Variants in DUSP16 observed in about 807,000 individuals in gnomAD.
DUSP16 encodes the protein dual specificity protein phosphatase 16.
A neutral mutation model predicts 58.3 loss-of-function variants in DUSP16; 21 were observed. The observed-to-expected ratio is 0.36, with a 90% CI of 0.26 to 0.52. DUSP16 has a LOEUF of 0.52. Among genes scored for constraint, DUSP16 ranks in the 20% least tolerant of loss-of-function variants. DUSP16 has a pLI of 0.94. For synonymous variants in DUSP16, 320 were observed against 323.8 expected, an observed-to-expected ratio of 0.99 and a Z score of 0.12; for missense variants, 726 against 819.0, an observed-to-expected ratio of 0.89 and a Z score of 1.39.
intron 1 of DUSP16, among the ~76,000 whole-genome samples, chr12:12,533,673 G>A (rs1332947845): frequency 6.6e-6 from 1 of 152,140 alleles, no homozygotes; most frequent in African/African-American, 2.4e-5. Context: ...TGCTCCATGA[G>A]GGCAAAACTA....
intron 2 of DUSP16, 106 bp from the exon 3 acceptor site, chr12:12,520,106 T>A: frequency 9.2e-7 from 1 of 1,092,350 alleles, no homozygotes; most frequent in Non-Finnish European, 1.3e-6. Context: ...AATTGCTTCC[T>A]GTTTTCAATT....
chr12:12,487,114 G>C lies in DUSP16; in HGVS notation c.605C>G (p.Pro202Arg), dbSNP rs1467429604. 2 of 1,614,008 alleles carry C rather than the reference G, an allele frequency of 1.2e-6. No individual in the cohort carries two copies. Among genetic ancestry groups the C allele is most frequent in the Non-Finnish European group, 1.7e-6 (2 of 1,180,024 alleles). ...SNTCPKPDFI[P>R]ESHFLRVPVN... ...AGGCACACGCAGGAAATGAGACTCG[G>C]GGATAAAGTCAGGCTTTGGACAGGT... The change falls in exon 5 of 7, where the codon CCC (proline) becomes CGC (arginine). Residue 202 changes from proline to arginine, a missense_variant. Transcript: ENST00000298573.
Position 12,477,902 on chromosome 12 carries a change from T to C in DUSP16, c.929A>G (p.Lys310Arg), listed in dbSNP as rs750121770. 6.2e-7 allele frequency: 1 copy of C among 1,614,194 alleles called. No individual in the cohort carries two copies. The highest frequency in any genetic ancestry group is 1.3e-5 in the African/African-American group (1 of 75,042). The change falls in exon 7 of 7, where the codon AAA (lysine) becomes AGA (arginine). Residue 310 changes from lysine to arginine, a missense_variant. Physicochemically the swap from Lys to Arg is conservative, Grantham distance 26. Transcript: ENST00000298573. This position sits in a 1 kb window ranked among gnomAD's most constrained non-coding sequence, Gnocchi z 4.1. ...CTTCTCCAGGTGCAGCAGCTTGAGT[T>C]TGCTCTTTGGCCCTGATGCTCCAGT... ...NQTGASGPKS[K>R]LKLLHLEKPN...
intron 1 of DUSP16, among the ~76,000 whole-genome samples, chr12:12,545,702 A>G (rs1361273603): frequency 1.3e-5 from 2 of 152,186 alleles, no homozygotes; most frequent in African/African-American, 4.8e-5. Flanking sequence ...CACCACAATC[A>G]AGATGCAGAA....
At position 12,501,459 on chromosome 12, in the gene DUSP16, C is replaced by T. The variant is rs568147544; in HGVS notation, c.368-777G>A. Reference sequence around the variant, plus strand: ...CTTCACTAAGTCACAGTCTTGCCACCACTCAATGGAGTGAAATCTATGTAG... The same window carrying T: ...CTTCACTAAGTCACAGTCTTGCCACTACTCAATGGAGTGAAATCTATGTAG... On this transcript the variant is annotated intron_variant, in intron 3 of 6. Coordinates refer to ENST00000298573, the MANE Select transcript of DUSP16 (RefSeq NM_030640.3). Among the ~76,000 whole-genome samples, 31 of 152,320 alleles carry T rather than the reference C, an allele frequency of 2.0e-4. 1 individual carries two copies. In the South Asian group the frequency reaches 6.2e-3, roughly 31 times the overall value.
intron 1 of DUSP16, among the ~76,000 whole-genome samples, chr12:12,551,941 C>T (rs1944734798): frequency 6.6e-6 from 1 of 152,114 alleles, no homozygotes; most frequent in Non-Finnish European, 1.5e-5. Context: ...ATCCACCTGC[C>T]TCGGCCTCCC....
intron 3 of DUSP16, chr12:12,506,051 C>A (rs1943991402): frequency 6.6e-6 from 1 of 152,174 alleles, no homozygotes; most frequent in Non-Finnish European, 1.5e-5. Flanking sequence ...ACTCTGCTGA[C>A]ATCCTCCTTC....
At chr12:12,516,856 C>CT (rs1248850351) in intron 3 of DUSP16, among the ~76,000 whole-genome samples, 2 of 152,300 alleles carry the variant, frequency 1.3e-5, no homozygotes, top group African/African-American at 4.8e-5. Context: ...TTAAGAAGGG[C>CT]TAGGCCTTGC....
chr12:12,545,550 G>A (rs10772573), intron 1 of DUSP16, among the ~76,000 whole-genome samples: 66,600 of 151,482 alleles, frequency 0.44, 15,077 homozygotes, highest in East Asian at 0.65. Context: ...CCAAAGTGCT[G>A]GGATTACAGG....
At chr12:12,539,748 ATTT>A (rs1944523284) in intron 1 of DUSP16, among the ~76,000 whole-genome samples, 1 of 93,806 alleles carries the variant, frequency 1.1e-5, no homozygotes, top group Non-Finnish European at 2.1e-5. Flanking sequence ...GCCAGCAGTT[ATTT>A]AAAAAAAAAA....
intron 1 of DUSP16, among the ~76,000 whole-genome samples, chr12:12,558,848 T>C (rs1944851937): frequency 6.6e-6 from 1 of 152,202 alleles, no homozygotes; most frequent in South Asian, 2.1e-4. Flanking sequence ...CAAGATGTAT[T>C]CTGTTCCCTT....
chr12:12,486,117 G>C (rs1411811991), intron 5 of DUSP16, among the ~76,000 whole-genome samples: 1 of 152,024 alleles, frequency 6.6e-6, no homozygotes, highest in Non-Finnish European at 1.5e-5. Flanking sequence ...GAAAGAACTA[G>C]TTCTTTTATT....
chr12:12,518,954 C>T (rs192126037), intron 3 of DUSP16, among the ~76,000 whole-genome samples: 2 of 152,322 alleles, frequency 1.3e-5, no homozygotes, highest in East Asian at 1.9e-4. Context: ...TATTAACACA[C>T]CAACAACTAA....
chr12:12,517,585 ACG>A (rs1944172284), intron 3 of DUSP16, among the ~76,000 whole-genome samples: 1 of 152,184 alleles, frequency 6.6e-6, no homozygotes, highest in Non-Finnish European at 1.5e-5. Flanking sequence ...ACCTACCCTG[ACG>A]AAAAAATTCA....
intron 1 of DUSP16, among the ~76,000 whole-genome samples, chr12:12,548,648 GA>G (rs1268689833): frequency 8.3e-5 from 11 of 132,566 alleles, no homozygotes; most frequent in African/African-American, 2.3e-4. Context: ...AAAAAAAAAA[GA>G]AAAAGAAAAA....
At chr12:12,524,797 T>C (rs1336854024) in intron 1 of DUSP16, among the ~76,000 whole-genome samples, 1 of 149,114 alleles carries the variant, frequency 6.7e-6, no homozygotes, top group East Asian at 1.9e-4. Flanking sequence ...AGGTAATATA[T>C]TCATATGGTT....
chr12:12,490,538 G>T (rs1943748110), intron 4 of DUSP16, among the ~76,000 whole-genome samples: 1 of 152,180 alleles, frequency 6.6e-6, no homozygotes, highest in African/African-American at 2.4e-5. Context: ...CATTAAAAAT[G>T]ATATATACAT....
At chr12:12,539,233 A>T (rs1218019885) in intron 1 of DUSP16, among the ~76,000 whole-genome samples, 3 of 152,206 alleles carry the variant, frequency 2.0e-5, no homozygotes, top group Admixed American at 6.5e-5. Flanking sequence ...TTATATGTTG[A>T]AAGTCTGGAA....
chr12:12,521,825 G>C (rs1047867070), intron 1 of DUSP16, among the ~76,000 whole-genome samples: 4 of 152,006 alleles, frequency 2.6e-5, no homozygotes, highest in African/African-American at 9.7e-5. Flanking sequence ...TATTTTATTT[G>C]CTTATTTATT....
Sources: gnomAD v4.1 joint callset for allele counts (sites outside exome capture counted in the v4.1 genomes callset) on GRCh38, gnomAD v4.1.1 for gene constraint, Gnocchi (gnomAD v3.1) non-coding constraint, MANE v1.5 for transcripts, NCBI Gene and HGNC (gene_info 2026-07-23, HGNC 2026-07-21) for gene names.